BBX: variants seen among roughly 807,000 people sequenced by gnomAD.
BBX encodes the protein HMG box transcription factor BBX.
Under a neutral mutation model 100.2 loss-of-function variants are expected in BBX, and 30 were observed. That is an observed-to-expected ratio of 0.30 (90% CI 0.22 to 0.41). BBX has a LOEUF of 0.41. Among genes scored for constraint, BBX ranks in the 10% least tolerant of loss-of-function variants. The pLI is 1.00. For missense variants in BBX, 1,023 were observed against 1,129.8 expected, an observed-to-expected ratio of 0.91 and a Z score of 1.35; for synonymous variants, 376 against 388.1, an observed-to-expected ratio of 0.97 and a Z score of 0.37.
At chr3:107,740,511 C>T (rs1188587305) in intron 7 of BBX, among the ~76,000 whole-genome samples, 2 of 152,076 alleles carry the variant, frequency 1.3e-5, no homozygotes, top group African/African-American at 2.4e-5. Flanking sequence ...CAGCGTCACC[C>T]TGCACTCCAC....
intron 2 of BBX, among the ~76,000 whole-genome samples, chr3:107,618,926 T>C (rs1401104803): frequency 2.8e-4 from 43 of 152,228 alleles, no homozygotes; most frequent in Admixed American, 2.8e-3. Context: ...GTTGATGATG[T>C]TGAGTTCTTA....
At chr3:107,523,974 A>C in intron 1 of BBX, 1 of 139,448 alleles carries the variant, frequency 7.2e-6, no homozygotes, top group Non-Finnish European at 1.6e-5. Context: ...GGGAGAGAGA[A>C]GAGGGAGGGA....
chr3:107,622,817 T>C (rs962880784), intron 2 of BBX, among the ~76,000 whole-genome samples: 1 of 152,250 alleles, frequency 6.6e-6, no homozygotes, highest in African/African-American at 2.4e-5. Context: ...ATTGTCGTTT[T>C]AGTAGTCAGT....
chr3:107,620,577 C>T (rs763172200), intron 2 of BBX, among the ~76,000 whole-genome samples: 5 of 152,198 alleles, frequency 3.3e-5, no homozygotes, highest in Non-Finnish European at 5.9e-5. Context: ...CTTATTATTG[C>T]AAGATGAGAA....
chr3:107,615,996 A>G (rs2055225929), intron 2 of BBX, among the ~76,000 whole-genome samples: 1 of 102,632 alleles, frequency 9.7e-6, no homozygotes, highest in African/African-American at 4.1e-5. Context: ...AGCACACGCT[A>G]CTCACCTGCT....
At chr3:107,631,841 ATAG>A (rs2056566910) in intron 2 of BBX, among the ~76,000 whole-genome samples, 1 of 152,246 alleles carries the variant, frequency 6.6e-6, no homozygotes, top group South Asian at 2.1e-4. Context: ...AGAAATGTAA[ATAG>A]TAGTTACATT....
At chr3:107,565,903 G>A (rs1011558570) in intron 2 of BBX, among the ~76,000 whole-genome samples, 4 of 151,682 alleles carry the variant, frequency 2.6e-5, no homozygotes, top group African/African-American at 9.7e-5. Context: ...GCTGGGCGCC[G>A]TGGCTCACAC....
chr3:107,699,469 T>C (rs991989613), intron 3 of BBX, among the ~76,000 whole-genome samples: 3 of 151,994 alleles, frequency 2.0e-5, no homozygotes, highest in Admixed American at 1.3e-4. Context: ...CATTAATACA[T>C]TGAGGGACTA....
intron 10 of BBX, among the ~76,000 whole-genome samples, chr3:107,769,581 G>T (rs1180169253): frequency 6.6e-6 from 1 of 152,156 alleles, no homozygotes; most frequent in Non-Finnish European, 1.5e-5. Flanking sequence ...GCCTTTACAT[G>T]TGATGAGCTG....
At chr3:107,527,302 G>C (rs908309828) in intron 2 of BBX, among the ~76,000 whole-genome samples, 2 of 152,210 alleles carry the variant, frequency 1.3e-5, no homozygotes, top group East Asian at 3.8e-4. Flanking sequence ...ATCAGCTGTA[G>C]TGCTTTGTAA....
chr3:107,732,155 A>G (rs2063356098), intron 6 of BBX, among the ~76,000 whole-genome samples: 1 of 152,054 alleles, frequency 6.6e-6, no homozygotes, highest in African/African-American at 2.4e-5. Flanking sequence ...TGACATTAAG[A>G]GATCCTCCTG....
intron 3 of BBX, chr3:107,677,443 A>G (rs2059338181): frequency 1.3e-5 from 2 of 152,086 alleles, no homozygotes; most frequent in Non-Finnish European, 2.9e-5. Flanking sequence ...TTTGACTTAA[A>G]ATGGGGCTAC....
intron 3 of BBX, among the ~76,000 whole-genome samples, chr3:107,678,009 G>A (rs1024006473): frequency 2.6e-5 from 4 of 152,032 alleles, no homozygotes; most frequent in African/African-American, 4.8e-5. Context: ...AAATAATGTC[G>A]TAAACAATTT....
chr3:107,756,998 G>A (rs1184497086), intron 10 of BBX, among the ~76,000 whole-genome samples: 1 of 152,144 alleles, frequency 6.6e-6, no homozygotes, highest in East Asian at 1.9e-4. Context: ...TATATAGATT[G>A]TCAAGAAAAT....
chr3:107,615,000 A>T (rs1013861598), intron 2 of BBX, among the ~76,000 whole-genome samples: 9 of 152,232 alleles, frequency 5.9e-5, no homozygotes, highest in African/African-American at 2.2e-4. Context: ...CTATAAGCAC[A>T]GTAGTAGCAG....
chr3:107,718,737 C>T (rs962230416), intron 5 of BBX, among the ~76,000 whole-genome samples: 2 of 152,026 alleles, frequency 1.3e-5, no homozygotes, highest in African/African-American at 4.8e-5. Flanking sequence ...TTACTAATTA[C>T]TTAATTAGGT....
chr3:107,732,688 A>G (rs1576549787), intron 6 of BBX, among the ~76,000 whole-genome samples: 1 of 152,240 alleles, frequency 6.6e-6, no homozygotes, highest in East Asian at 1.9e-4. Context: ...TAGGAGATAA[A>G]TTAATGTTAC....
rs761613388 is a variant in BBX at position 107,801,131 on chromosome 3, C to G, written c.2588C>G (p.Pro863Arg). The G allele has an allele frequency of 3.1e-6, 5 of 1,614,170 alleles. No individual in the cohort carries two copies. The highest frequency in any genetic ancestry group is 3.3e-5 in the Admixed American group (2 of 60,026). ...AAGGAACAACTGCAGAGGAGTCTCCCTAAAGCAACTGAGACAGACTGCAAT... is the reference window on the plus strand; with the variant it reads ...AAGGAACAACTGCAGAGGAGTCTCCGTAAAGCAACTGAGACAGACTGCAAT... ...KPKEQLQRSL[P>R]KATETDCNDK... The change falls in exon 17 of 18, where the codon CCT becomes CGT. Residue 863 changes from proline to arginine, a missense_variant. By Grantham distance (103) the Pro-to-Arg change is moderately radical. Around this residue, in one of 9 missense-constraint regions of BBX, gnomAD observed 104 missense variants for 132.2 expected, o/e 0.79. Coordinates refer to ENST00000325805, the MANE Select transcript of BBX (RefSeq NM_001142568.3).
intron 12 of BBX, 33 bp from the exon 13 acceptor site, chr3:107,778,338 G>A (rs776306944): frequency 6.2e-7 from 1 of 1,611,284 alleles, no homozygotes. Flanking sequence ...ATTTGGTCAT[G>A]TGCTGATTGA....
Sources: allele counts gnomAD v4.1 joint callset (sites outside exome capture counted in the v4.1 genomes callset), GRCh38; gene constraint gnomAD v4.1.1; regional missense constraint gnomAD v4.1.1; transcripts MANE v1.5; gene names NCBI Gene and HGNC (gene_info 2026-07-23, HGNC 2026-07-21).